The following FABP7 variants were observed in gnomAD, a reference collection of about 807,000 sequenced individuals.
The protein encoded by FABP7 is fatty acid binding protein 7.
In FABP7, 13 loss-of-function variants were observed where a neutral mutation model predicts 14.2. The ratio of observed to expected loss-of-function variants is 0.91; its 90% CI spans 0.59 to 1.45. The LOEUF (loss-of-function observed/expected upper bound fraction) is 1.45, where lower values mean the gene tolerates loss of function less well. Among genes scored for constraint, FABP7 ranks in the 40% most tolerant of loss-of-function variants. The pLI is 0.00. For missense variants in FABP7, 149 were observed against 157.6 expected, an observed-to-expected ratio of 0.95 and a Z score of 0.29; for synonymous variants, 49 against 51.4, an observed-to-expected ratio of 0.95 and a Z score of 0.20.
chr6:122,779,820 G>C lies in FABP7; in HGVS notation c.26G>C (p.Trp9Ser), dbSNP rs1780737375. Reference sequence around the variant, plus strand: ...ATGGTGGAGGCTTTCTGTGCTACCTGGAAGCTGACCAACAGTCAGAACTTT... The same window carrying C: ...ATGGTGGAGGCTTTCTGTGCTACCTCGAAGCTGACCAACAGTCAGAACTTT... MVEAFCAT[W>S]KLTNSQNFDE... Residue 9 changes from tryptophan to serine, a missense_variant, in exon 1 of 4, where the codon TGG (tryptophan) becomes TCG (serine). Trp to Ser is a radical substitution (Grantham distance 177). Coordinates refer to ENST00000368444, the MANE Select transcript of FABP7 (RefSeq NM_001446.5). 1 of 1,614,152 alleles carries C rather than the reference G, an allele frequency of 6.2e-7. No homozygotes were observed. The highest frequency in any genetic ancestry group is 8.5e-7 in the Non-Finnish European group (1 of 1,180,032).
At chr6:122,769,979 A>G in the FABP7 span, among the ~76,000 whole-genome samples, 5 of 152,124 alleles carry the variant, frequency 3.3e-5, no homozygotes, top group South Asian at 1.0e-3. Flanking sequence ...GCAGATTTCA[A>G]TGGCCCGCTT....
the FABP7 span, among the ~76,000 whole-genome samples, chr6:122,749,831 C>A: frequency 6.6e-6 from 1 of 152,216 alleles, no homozygotes; most frequent in Non-Finnish European, 1.5e-5. Context: ...TATAAAAGAT[C>A]ATTTCCCGTA....
upstream of FABP7, among the ~76,000 whole-genome samples, chr6:122,775,644 G>A (rs1389528337): frequency 1.3e-5 from 2 of 150,770 alleles, no homozygotes; most frequent in Non-Finnish European, 3.0e-5. Flanking sequence ...GGCAACCAAA[G>A]CAAAAATGGA....
At chr6:122,762,430 T>A in the FABP7 span, among the ~76,000 whole-genome samples, 3 of 152,160 alleles carry the variant, frequency 2.0e-5, no homozygotes, top group African/African-American at 7.2e-5. Context: ...CCACAGCCAA[T>A]ATCATACTGA....
chr6:122,749,266 C>CA, the FABP7 span, among the ~76,000 whole-genome samples: 1 of 152,066 alleles, frequency 6.6e-6, no homozygotes, highest in Admixed American at 6.6e-5. Context: ...TCCCTTAAAC[C>CA]TGGTGGAATG....
rs1330606356 is a variant in FABP7 at position 122,781,096 on chromosome 6, G to A, written c.250G>A (p.Val84Ile). The A allele has an allele frequency of 1.7e-5, 28 of 1,612,470 alleles. No homozygotes were observed. Among genetic ancestry groups the A allele is most frequent in the Non-Finnish European group, 2.3e-5 (27 of 1,178,812 alleles). Residue 84 changes from valine to isoleucine, a missense_variant, in exon 3 of 4, where the codon GTT becomes ATT. Physicochemically the swap from Val to Ile is conservative, Grantham distance 29. Coordinates refer to ENST00000368444, the MANE Select transcript of FABP7 (RefSeq NM_001446.5). ...TTADDRNCKS[V>I]VSLDGDKLVH... is the part of the protein sequence containing the mutation. ...TGCATTTTGTTGTTGGTCTCAGTCT[G>A]TTGTTAGCCTGGATGGAGACAAACT... is the stretch of plus-strand genomic sequence containing the variant.
upstream of FABP7, among the ~76,000 whole-genome samples, chr6:122,778,535 A>G (rs1394174500): frequency 6.6e-6 from 1 of 152,212 alleles, no homozygotes; most frequent in Admixed American, 6.5e-5. Flanking sequence ...GGCAGGGAAT[A>G]TCAAGTCGGA....
chr6:122,767,485 GGTGGTGAAAT>G, the FABP7 span, among the ~76,000 whole-genome samples: 1 of 152,054 alleles, frequency 6.6e-6, no homozygotes. Flanking sequence ...ATTCCATTTA[GGTGGTGAAAT>G]GTTCAATAAG....
intron 3 of FABP7, chr6:122,782,072 T>C (rs891021970): frequency 2.0e-6 from 2 of 985,450 alleles, no homozygotes; most frequent in Non-Finnish European, 2.4e-6. Context: ...ACCATTTTGA[T>C]GTTACTTCTT....
At chr6:122,750,990 C>T in the FABP7 span, among the ~76,000 whole-genome samples, 1 of 152,168 alleles carries the variant, frequency 6.6e-6, no homozygotes, top group Admixed American at 6.5e-5. Context: ...TATATCACCT[C>T]ATAATTCCCA....
At chr6:122,763,042 A>G in the FABP7 span, among the ~76,000 whole-genome samples, 1 of 152,202 alleles carries the variant, frequency 6.6e-6, no homozygotes, top group African/African-American at 2.4e-5. Flanking sequence ...AAACTACTTT[A>G]AAGTTCATAT....
chr6:122,754,782 A>T, the FABP7 span, among the ~76,000 whole-genome samples: 1 of 152,042 alleles, frequency 6.6e-6, no homozygotes, highest in East Asian at 1.9e-4. Context: ...TTTCATGAAA[A>T]TTGAATTACC....
At chr6:122,762,831 A>C in the FABP7 span, among the ~76,000 whole-genome samples, 98,077 of 151,280 alleles carry the variant, frequency 0.65, 34,658 homozygotes, top group Non-Finnish European at 0.82. Context: ...ATCCAACTTA[A>C]AAGGGATGTG....
chr6:122,780,996 T>C (rs987858019), intron 2 of FABP7, 97 bp from the exon 3 acceptor site: 1 of 1,375,298 alleles, frequency 7.3e-7, no homozygotes, highest in Non-Finnish European at 9.7e-7. Flanking sequence ...TCATGATTTA[T>C]TCAATTATAC....
chr6:122,751,077 TA>T, the FABP7 span, among the ~76,000 whole-genome samples: 1 of 152,200 alleles, frequency 6.6e-6, no homozygotes, highest in African/African-American at 2.4e-5. Flanking sequence ...TATGAATAAA[TA>T]AATATGTGTG....
chr6:122,762,393 A>G, the FABP7 span, among the ~76,000 whole-genome samples: 3 of 152,218 alleles, frequency 2.0e-5, no homozygotes, highest in African/African-American at 7.2e-5. Context: ...ACATATCTCA[A>G]AATAATAAGA....
upstream of FABP7, chr6:122,779,484 C>T: frequency 3.0e-6 from 1 of 328,972 alleles, no homozygotes; most frequent in South Asian, 6.7e-5. Flanking sequence ...CTTTCTCAGG[C>T]ATAAGGGCTG....
At chr6:122,772,321 A>G in the FABP7 span, among the ~76,000 whole-genome samples, 1 of 152,126 alleles carries the variant, frequency 6.6e-6, no homozygotes, top group African/African-American at 2.4e-5. Context: ...TAAGAATGGA[A>G]TATTTAAATA....
intron 1 of FABP7, 120 bp from the exon 2 acceptor site, chr6:122,780,171 A>C (rs1582518719): frequency 1.8e-6 from 2 of 1,095,754 alleles, no homozygotes; most frequent in East Asian, 4.9e-5. Flanking sequence ...TAATGGGCTA[A>C]TCATGTTCTA....
Sources: allele counts gnomAD v4.1 joint callset (sites outside exome capture counted in the v4.1 genomes callset), GRCh38; gene constraint gnomAD v4.1.1; transcripts MANE v1.5; gene names NCBI Gene and HGNC (gene_info 2026-07-23, HGNC 2026-07-21).